KCNMB2: variants seen among roughly 807,000 people sequenced by gnomAD.
KCNMB2 encodes potassium calcium-activated channel subfamily M regulatory beta subunit 2.
In KCNMB2, 9 loss-of-function variants were observed where a neutral mutation model predicts 24.5. The ratio of observed to expected loss-of-function variants is 0.37; its 90% CI spans 0.22 to 0.64. The LOEUF (loss-of-function observed/expected upper bound fraction) is 0.64. KCNMB2 is among the 30% of genes least tolerant of loss of function. The pLI is 0.63. For synonymous variants in KCNMB2, 109 were observed against 104.4 expected (o/e 1.04, Z -0.27); for missense variants, 226 against 284.3 (o/e 0.79, Z 1.47).
chr3:178,758,081 T>C lies in KCNMB2; in HGVS notation c.-67-49262T>C, dbSNP rs543661741. 3.0e-4 allele frequency among the ~76,000 whole-genome samples: 24 copies of C among 80,236 alleles called. 1 individual carries two copies. Among genetic ancestry groups the C allele is most frequent in the East Asian group, 1.4e-3 (4 of 2,798 alleles). The allele number at this position is 80,236 out of a possible 152,430, so 52.6% of individuals were successfully genotyped here. On this transcript the variant is annotated intron_variant, in intron 1 of 4. Transcript: ENST00000452583. ...ATATCTCCAAGAGGATATATATATA[T>C]ACACAAGAGGATATATATATATACA...
intron 1 of KCNMB2, among the ~76,000 whole-genome samples, chr3:178,551,948 C>T (rs1715967099): frequency 6.6e-6 from 1 of 152,104 alleles, no homozygotes; most frequent in Non-Finnish European, 1.5e-5. Flanking sequence ...TGCACAAGCC[C>T]CAGGTGTGCA....
chr3:178,679,339 T>A (rs1398607487), intron 1 of KCNMB2, among the ~76,000 whole-genome samples: 2 of 152,200 alleles, frequency 1.3e-5, no homozygotes, highest in East Asian at 1.9e-4. Flanking sequence ...CAAGTGATCA[T>A]CCTGCCTCAG....
intron 2 of KCNMB2, among the ~76,000 whole-genome samples, chr3:178,811,116 G>T (rs1242821500): frequency 2.0e-5 from 3 of 151,862 alleles, no homozygotes; most frequent in Non-Finnish European, 4.4e-5. Flanking sequence ...GAAGAGAGAG[G>T]TTTTTAAGCT....
intron 1 of KCNMB2, among the ~76,000 whole-genome samples, chr3:178,625,418 G>A (rs1719081252): frequency 6.6e-6 from 1 of 152,222 alleles, no homozygotes; most frequent in South Asian, 2.1e-4. Flanking sequence ...CCCGCCCCTA[G>A]GCCTTCACCA....
At chr3:178,601,492 G>T (rs1718083216) in intron 1 of KCNMB2, among the ~76,000 whole-genome samples, 1 of 152,120 alleles carries the variant, frequency 6.6e-6, no homozygotes, top group Non-Finnish European at 1.5e-5. Flanking sequence ...AACCTCTTTG[G>T]ATAGCATAAT....
intron 1 of KCNMB2, among the ~76,000 whole-genome samples, chr3:178,663,695 T>C (rs1720616337): frequency 6.6e-6 from 1 of 152,130 alleles, no homozygotes; most frequent in Non-Finnish European, 1.5e-5. Flanking sequence ...ATGATACCAA[T>C]GCATTAAAAG....
chr3:178,607,704 AT>A (rs1718326558), intron 1 of KCNMB2, among the ~76,000 whole-genome samples: 2 of 152,180 alleles, frequency 1.3e-5, no homozygotes, highest in South Asian at 2.1e-4. Flanking sequence ...TAACTGGCTT[AT>A]TAGCAAATAC....
chr3:178,783,678 T>G (rs1712971389), intron 1 of KCNMB2, among the ~76,000 whole-genome samples: 1 of 151,762 alleles, frequency 6.6e-6, no homozygotes, highest in African/African-American at 2.4e-5. Flanking sequence ...CTTATCAGCT[T>G]AAGGAGATTT....
chr3:178,821,686 G>A (rs1284090819), intron 2 of KCNMB2, among the ~76,000 whole-genome samples: 1 of 151,996 alleles, frequency 6.6e-6, no homozygotes, highest in Non-Finnish European at 1.5e-5. Flanking sequence ...GGAAGAGTAG[G>A]GAAATACGGA....
intron 1 of KCNMB2, among the ~76,000 whole-genome samples, chr3:178,731,453 C>T (rs1417250108): frequency 6.6e-6 from 1 of 152,084 alleles, no homozygotes; most frequent in Non-Finnish European, 1.5e-5. Flanking sequence ...AAATGTCCCC[C>T]GTGGGAAGAA....
intron 1 of KCNMB2, among the ~76,000 whole-genome samples, chr3:178,676,702 T>C (rs749471536): frequency 1.1e-4 from 16 of 152,164 alleles, no homozygotes; most frequent in Non-Finnish European, 1.9e-4. Flanking sequence ...GTCCTTACAG[T>C]AGTCTTTATA....
rs947994658 is a variant in KCNMB2 at position 178,784,324 on chromosome 3, C to T, written c.-67-23019C>T. ...GATTCAGAGGTTAACTAGCTTACCC[C>T]GTGTCATATAGCAAAGAAGGATCAG... On this transcript the variant is annotated intron_variant, in intron 1 of 4. Coordinates refer to ENST00000452583, the MANE Select transcript of KCNMB2 (RefSeq NM_181361.3). Among the ~76,000 whole-genome samples, 7 of 152,190 alleles carry T rather than the reference C, an allele frequency of 4.6e-5. No homozygotes were observed. In the East Asian group the frequency reaches 5.8e-4, roughly 13 times the overall value.
intron 1 of KCNMB2, among the ~76,000 whole-genome samples, chr3:178,720,494 C>G (rs1330928074): frequency 9.2e-6 from 1 of 109,244 alleles, no homozygotes; most frequent in East Asian, 2.2e-4. Flanking sequence ...GGGTATATAC[C>G]CAGTAACGGG....
intron 2 of KCNMB2, among the ~76,000 whole-genome samples, chr3:178,810,372 C>T (rs1714137705): frequency 6.6e-6 from 1 of 152,184 alleles, no homozygotes; most frequent in African/African-American, 2.4e-5. Flanking sequence ...TCCTCAGCTG[C>T]TCTCCACACC....
intron 1 of KCNMB2, among the ~76,000 whole-genome samples, chr3:178,614,247 TTATATATATATATATATATA>T (rs776751246): frequency 0.037 from 2,002 of 53,486 alleles, 109 homozygotes; most frequent in Middle Eastern, 0.062. Flanking sequence ...TGGGCTAATT[TTATATATATATATATATATA>T]TATATATATA....
intron 1 of KCNMB2, among the ~76,000 whole-genome samples, chr3:178,663,402 C>A (rs191288936): frequency 6.6e-6 from 1 of 152,206 alleles, no homozygotes. Flanking sequence ...ATGCTCTTAA[C>A]CATGACATCA....
At chr3:178,739,426 C>G (rs1295523437) in intron 1 of KCNMB2, among the ~76,000 whole-genome samples, 2 of 152,158 alleles carry the variant, frequency 1.3e-5, no homozygotes, top group African/African-American at 4.8e-5. Flanking sequence ...GGGGACAACT[C>G]CAGATTTTTT....
Position 178,540,886 on chromosome 3 carries a change from G to A in KCNMB2, c.-68+4175G>A, listed in dbSNP as rs574946441. ...CTCCTCAGTTGTAAACTCTATGAAA[G>A]CAGGAATTTTTATTTACTTTCTGAA... On this transcript the variant is annotated intron_variant, in intron 1 of 4. Transcript: ENST00000452583. Among the ~76,000 whole-genome samples, 16 of 152,266 alleles carry A rather than the reference G, an allele frequency of 1.1e-4. 1 individual carries two copies. The highest frequency in any genetic ancestry group is 3.6e-4 in the African/African-American group (15 of 41,554).
intron 1 of KCNMB2, among the ~76,000 whole-genome samples, chr3:178,542,171 A>C (rs912526716): frequency 6.6e-6 from 1 of 152,182 alleles, no homozygotes; most frequent in Non-Finnish European, 1.5e-5. Context: ...GCTAAGAATT[A>C]AAAAGAAAAT....
Sources: gnomAD v4.1 joint callset for allele counts (sites outside exome capture counted in the v4.1 genomes callset) on GRCh38, gnomAD v4.1.1 for gene constraint, MANE v1.5 for transcripts, NCBI Gene and HGNC (gene_info 2026-07-23, HGNC 2026-07-21) for gene names.